The following MS4A15 variants were observed in gnomAD, a reference collection of about 807,000 sequenced individuals.
MS4A15 encodes the protein membrane spanning 4-domains A15, also known as membrane-spanning 4-domains subfamily A member 15.
In MS4A15, 22 loss-of-function variants were observed where a neutral mutation model predicts 20.6. The observed-to-expected ratio is 1.07, with a 90% CI of 0.76 to 1.52. The LOEUF (loss-of-function observed/expected upper bound fraction) is 1.52. Ranked by LOEUF, MS4A15 falls within the 40% of genes most tolerant of loss-of-function variation. MS4A15 has a pLI of 0.00. For synonymous variants in MS4A15, 129 were observed against 129.3 expected, an observed-to-expected ratio of 1.00 and a Z score of 0.02; for missense variants, 312 against 323.0, an observed-to-expected ratio of 0.97 and a Z score of 0.26.
Position 60,775,190 on chromosome 11 carries a change from G to A in MS4A15, c.613-415G>A, listed in dbSNP as rs182975407. ...AAATTACCTGGGCATGGTGGCAGGC[G>A]CCTATAATCCCAGCTACTCGGGAGG... On this transcript the variant is annotated intron_variant, in intron 6 of 6. Transcript: ENST00000405633. Among the ~76,000 whole-genome samples the A allele has an allele frequency of 4.1e-3, 618 of 152,116 alleles. 5 individuals carry two copies. Among genetic ancestry groups the A allele is most frequent in the African/African-American group, 0.014 (588 of 41,506 alleles).
rs1465669088 is a variant in MS4A15 at position 60,775,657 on chromosome 11, C to CCAGGG, written c.665_666insCAGGG (p.Ala223ArgfsTer22). 1 of 1,613,978 alleles carries CCAGGG rather than the reference C, an allele frequency of 6.2e-7. No homozygotes were observed. Among genetic ancestry groups the CCAGGG allele is most frequent in the South Asian group, 1.1e-5 (1 of 91,072 alleles). On this transcript the variant is annotated frameshift_variant, in exon 7 of 7. Transcript: ENST00000405633. LOFTEE classifies it high-confidence loss of function. ...AGCGCAGACTTCAACATCCCCAGCC[C>CCAGGG]GGCAGCCTCTGCGCCCCCTGCCTAT...
intron 1 of MS4A15, among the ~76,000 whole-genome samples, chr11:60,760,611 C>G (rs1853714672): frequency 6.6e-6 from 1 of 152,188 alleles, no homozygotes; most frequent in Non-Finnish European, 1.5e-5. Flanking sequence ...ATAATGGCCC[C>G]TGCTATCTTA....
At position 60,775,862 on chromosome 11, in the gene MS4A15, G is replaced by T; in HGVS notation, c.*147G>T. 1.6e-6 allele frequency: 1 copy of T among 616,536 alleles called. No homozygotes were observed. Among genetic ancestry groups the T allele is most frequent in the Non-Finnish European group, 2.8e-6 (1 of 352,410 alleles). 38.2% of individuals were successfully genotyped at this position (616,536 alleles called of 1,614,324 possible). ...ACACATACTCCGGCATCTGAGTGAA[G>T]TGTCCCCAGGGACATCTCTCCCACA... On this transcript the variant is annotated 3_prime_UTR_variant, in exon 7 of 7. Coordinates refer to ENST00000405633, the MANE Select transcript of MS4A15 (RefSeq NM_001098835.2).
intron 3 of MS4A15, 69 bp downstream of exon 3, chr11:60,767,724 C>G: frequency 6.9e-7 from 1 of 1,441,574 alleles, no homozygotes; most frequent in Non-Finnish European, 9.1e-7. Context: ...CCCCACGCGC[C>G]CACCCCCACC....
intron 1 of MS4A15, among the ~76,000 whole-genome samples, chr11:60,760,661 A>C (rs562198581): frequency 3.3e-4 from 50 of 152,346 alleles, no homozygotes; most frequent in African/African-American, 1.2e-3. Flanking sequence ...TGGCAATAAG[A>C]TCAACATACA....
intron 1 of MS4A15, among the ~76,000 whole-genome samples, chr11:60,762,632 G>A (rs1369657759): frequency 1.3e-5 from 2 of 152,156 alleles, no homozygotes; most frequent in Non-Finnish European, 2.9e-5. Flanking sequence ...TGCTAGGTAT[G>A]TACAAATGGC....
At chr11:60,772,552 C>G (rs936231505) in intron 4 of MS4A15, among the ~76,000 whole-genome samples, 1 of 152,214 alleles carries the variant, frequency 6.6e-6, no homozygotes, top group African/African-American at 2.4e-5. Context: ...TTGGCTTAAT[C>G]AATTAATGGA....
intron 3 of MS4A15, among the ~76,000 whole-genome samples, chr11:60,769,103 T>G (rs1225120451): frequency 1.3e-5 from 2 of 152,138 alleles, no homozygotes; most frequent in Non-Finnish European, 2.9e-5. Context: ...CACTTTCCCC[T>G]CTGAGCCCCC....
chr11:60,761,566 A>C (rs1231238390), intron 1 of MS4A15, among the ~76,000 whole-genome samples: 2 of 152,190 alleles, frequency 1.3e-5, no homozygotes, highest in Admixed American at 1.3e-4. Flanking sequence ...TGCAAATCAG[A>C]CTATTGGATC....
chr11:60,767,216 GCCATTGAACCGAGT>G (rs1853904303), intron 2 of MS4A15, among the ~76,000 whole-genome samples: 1 of 152,152 alleles, frequency 6.6e-6, no homozygotes, highest in African/African-American at 2.4e-5. Flanking sequence ...GGAATGTTGG[GCCATTGAACCGAGT>G]CCTGAGAAAG....
chr11:60,758,561 G>A (rs1459390403), intron 1 of MS4A15, among the ~76,000 whole-genome samples: 2 of 152,172 alleles, frequency 1.3e-5, no homozygotes, highest in Admixed American at 6.5e-5. Flanking sequence ...ATAATGACCG[G>A]AACCACATAT....
Position 60,775,681 on chromosome 11 carries a change from A to G in MS4A15, c.689A>G (p.Tyr230Cys). The G allele has an allele frequency of 6.2e-7, 1 of 1,613,916 alleles. No individual in the cohort carries two copies. The highest frequency in any genetic ancestry group is 8.5e-7 in the Non-Finnish European group (1 of 1,179,914). Residue 230 changes from tyrosine (Y) to cysteine (C), a missense_variant, in exon 7 of 7, where the codon TAT becomes TGT. Physicochemically the swap from Tyr to Cys is radical, Grantham distance 194. Coordinates refer to ENST00000405633, the MANE Select transcript of MS4A15 (RefSeq NM_001098835.2). ...CCGGCAGCCTCTGCGCCCCCTGCCT[A>G]TGACAATGTGGCATATGCCCAAGGA... is the stretch of plus-strand genomic sequence containing the variant. ...PSPAASAPPAYDNVAYAQGVV is the reference protein window; with the variant it reads ...PSPAASAPPACDNVAYAQGVV
intron 1 of MS4A15, among the ~76,000 whole-genome samples, chr11:60,760,757 CA>C (rs889544542): frequency 4.3e-4 from 65 of 152,124 alleles, no homozygotes; most frequent in Admixed American, 1.2e-3. Flanking sequence ...TCTTAATAAA[CA>C]AAAAAGGGGG....
At position 60,763,693 on chromosome 11, in the gene MS4A15, A is replaced by G. The variant is rs758521832; in HGVS notation, c.-28-13A>G. ...ATGGGTGACAATCATCATTGCCATT[A>G]TTATCTCCCAAGCCTTTGTTTCCCA... On this transcript the variant is annotated splice_polypyrimidine_tract_variant and intron_variant, in intron 1 of 6. Transcript: ENST00000405633. The G allele has an allele frequency of 9.4e-6, 15 of 1,601,746 alleles. 1 individual carries two copies. In the South Asian group the frequency reaches 1.4e-4, roughly 15 times the overall value.
intron 1 of MS4A15, among the ~76,000 whole-genome samples, chr11:60,762,546 CCAAA>C (rs1478918297): frequency 6.6e-6 from 1 of 152,032 alleles, no homozygotes; most frequent in Non-Finnish European, 1.5e-5. Context: ...ATAGTTAAAC[CCAAA>C]CACTTAGTTA....
At chr11:60,766,752 T>G (rs1853894621) in intron 2 of MS4A15, among the ~76,000 whole-genome samples, 1 of 152,154 alleles carries the variant, frequency 6.6e-6, no homozygotes, top group Non-Finnish European at 1.5e-5. Context: ...GACATGACAA[T>G]TCTAGTTGTT....
rs1854200160 is a variant in MS4A15 at position 60,776,589 on chromosome 11, C to T, written c.*874C>T. The T allele has an allele frequency of 6.6e-6, 1 of 152,274 alleles. No individual in the cohort carries two copies. Among genetic ancestry groups the T allele is most frequent in the Non-Finnish European group, 1.5e-5 (1 of 68,094 alleles). The allele number at this position is 152,274 out of a possible 1,614,324, so 9.4% of individuals were successfully genotyped here. A position where few individuals can be genotyped will look rare whatever the true frequency, so the allele number is the denominator to read the frequency against. ...CCCCCATAGCCCAAGGACAAGGCTA[C>T]CACAGAAGGTTACCACAGGACCTGG... On this transcript the variant is annotated 3_prime_UTR_variant, in exon 7 of 7. Coordinates refer to ENST00000405633, the MANE Select transcript of MS4A15 (RefSeq NM_001098835.2).
chr11:60,765,676 T>G (rs1416126369), intron 2 of MS4A15, among the ~76,000 whole-genome samples: 1 of 152,094 alleles, frequency 6.6e-6, no homozygotes, highest in Non-Finnish European at 1.5e-5. Flanking sequence ...TTTCAACCCC[T>G]CTGCTTTGTG....
intron 4 of MS4A15, 152 bp from the exon 5 acceptor site, chr11:60,773,240 A>G (rs908952852): frequency 1.1e-5 from 6 of 544,644 alleles, no homozygotes; most frequent in East Asian, 3.0e-5. Context: ...GGAGCAGTCA[A>G]TGAGAACACA....
Sources: gnomAD v4.1 joint callset for allele counts (sites outside exome capture counted in the v4.1 genomes callset) on GRCh38, gnomAD v4.1.1 for gene constraint, MANE v1.5 for transcripts, NCBI Gene and HGNC (gene_info 2026-07-23, HGNC 2026-07-21) for gene names.